The following PTGS1 variants were observed in gnomAD, a reference collection of about 807,000 sequenced individuals.
The protein encoded by PTGS1 is prostaglandin G/H synthase 1.
Under a neutral mutation model 63.0 loss-of-function variants are expected in PTGS1, and 40 were observed. The ratio of observed to expected loss-of-function variants is 0.63; its 90% CI spans 0.49 to 0.83. The LOEUF is 0.83. Ranked by LOEUF, PTGS1 falls within the 40% of genes least tolerant of loss-of-function variation. PTGS1 has a pLI of 0.00. For synonymous variants in PTGS1, 298 were observed against 301.9 expected, an observed-to-expected ratio of 0.99 and a Z score of 0.13; for missense variants, 709 against 786.5, an observed-to-expected ratio of 0.90 and a Z score of 1.18.
chr9:122,377,858 C>T, intron 2 of PTGS1, 41 bp from the exon 3 acceptor site: 2 of 1,572,638 alleles, frequency 1.3e-6, no homozygotes, highest in South Asian at 1.1e-5. Flanking sequence ...GGTCAGGAGG[C>T]CACCCTAGCA....
intron 7 of PTGS1, among the ~76,000 whole-genome samples, chr9:122,382,492 G>A (rs1268817412): frequency 4.6e-5 from 7 of 152,124 alleles, no homozygotes; most frequent in Non-Finnish European, 7.3e-5. Flanking sequence ...TGACATGTCC[G>A]ACTTGTTCCA....
chr9:122,385,731 C>T (rs1413733549), intron 8 of PTGS1, among the ~76,000 whole-genome samples: 1 of 152,060 alleles, frequency 6.6e-6, no homozygotes, highest in Non-Finnish European at 1.5e-5. Context: ...AGGGTGTCAG[C>T]ATGATGACAG....
rs1163125929 is a variant in PTGS1, at chr9:122,371,238, C to T, written c.60C>T (p.Pro20=). The T allele has an allele frequency of 3.7e-6, 6 of 1,607,370 alleles. No individual in the cohort carries two copies. The highest frequency in any genetic ancestry group is 4.5e-5 in the East Asian group (2 of 44,886). ...TCCTGCTCCTGCTCCCGCCGCTCCC[C>T]GTCCTGCTCGCGGACCCAGGGGCGC... The part of the protein sequence containing the change: ...LLFLLLLPPL[P]VLLADPGAPT... The change falls in exon 2 of 11, where the codon CCC becomes CCT. Residue 20 remains proline (P), a synonymous_variant. Transcript: ENST00000362012.
intron 2 of PTGS1, chr9:122,375,250 A>G (rs1588118958): frequency 1.0e-6 from 1 of 975,004 alleles, no homozygotes; most frequent in Non-Finnish European, 1.2e-6. Flanking sequence ...ACTGGGAGGG[A>G]GGAGCCTCAG....
upstream of PTGS1, chr9:122,370,968 G>A (rs1269226683): frequency 3.4e-6 from 5 of 1,487,778 alleles, no homozygotes; most frequent in Non-Finnish European, 3.6e-6. Flanking sequence ...GCTGGAGGGA[G>A]GAGCGGGGGT....
chr9:122,391,395 A>ATG (rs1430870316), intron 10 of PTGS1, among the ~76,000 whole-genome samples: 2,125 of 86,194 alleles, frequency 0.025, 28 homozygotes, highest in Middle Eastern at 0.056. Flanking sequence ...ACATATATAT[A>ATG]TACATATATA....
At chr9:122,376,555 A>G (rs1837177906) in intron 2 of PTGS1, among the ~76,000 whole-genome samples, 1 of 152,104 alleles carries the variant, frequency 6.6e-6, no homozygotes, top group Non-Finnish European at 1.5e-5. Flanking sequence ...CCCTGAGATG[A>G]CAGCATTTCA....
In PTGS1 at chr9:122,392,654, G is replaced by A; in HGVS notation, c.*110G>A. On this transcript the variant is annotated 3_prime_UTR_variant, in exon 11 of 11. Coordinates refer to ENST00000362012, the MANE Select transcript of PTGS1 (RefSeq NM_000962.4). ...CTCATTTTCTGGTTTGGCATGGTGA[G>A]TGTTGGGGTTGACATTTAGAACTTT... The A allele has an allele frequency of 1.1e-6, 1 of 941,498 alleles. No homozygotes were observed. The highest frequency in any genetic ancestry group is 2.8e-5 in the Admixed American group (1 of 35,982). 58.3% of individuals were successfully genotyped at this position (941,498 alleles called of 1,614,324 possible).
intron 2 of PTGS1, chr9:122,375,222 G>A (rs977917450): frequency 2.2e-6 from 2 of 889,986 alleles, no homozygotes; most frequent in Non-Finnish European, 2.7e-6. Flanking sequence ...GCGGGAGGGG[G>A]GAAGCTGGAT....
rs1306397593 is a variant in PTGS1 at position 122,380,646 on chromosome 9, CT to C, written c.497-724del. Among the ~76,000 whole-genome samples the C allele has an allele frequency of 3.3e-5, 5 of 152,242 alleles. No individual in the cohort carries two copies. In the East Asian group the frequency reaches 9.6e-4, roughly 29 times the overall value. On this transcript the variant is annotated intron_variant, in intron 5 of 10. Transcript: ENST00000362012. Reference sequence around the variant, plus strand: ...TGCTTTCCCGCTACAATAGCAAAAACTGAATAGATGTGACATGTCTGTATGG... The same window carrying C: ...TGCTTTCCCGCTACAATAGCAAAAACGAATAGATGTGACATGTCTGTATGG...
At position 122,386,526 on chromosome 9, in the gene PTGS1, C is replaced by T; in HGVS notation, c.1090C>T (p.Leu364=). Reference sequence around the variant, plus strand: ...CCTGCAGCTGAAATTTGACCCAGAGCTGCTGTTCGGTGTCCAGTTCCAATA... The same window carrying T: ...CCTGCAGCTGAAATTTGACCCAGAGTTGCTGTTCGGTGTCCAGTTCCAATA... The part of the protein sequence containing the change: ...YFLQLKFDPE[L]LFGVQFQYRN... The change falls in exon 9 of 11, where the codon CTG becomes TTG. Residue 364 remains leucine, a synonymous_variant. Transcript: ENST00000362012. The T allele has an allele frequency of 6.2e-7, 1 of 1,614,206 alleles. No individual in the cohort carries two copies. The highest frequency in any genetic ancestry group is 8.5e-7 in the Non-Finnish European group (1 of 1,180,044).
chr9:122,384,302 G>C (rs530988856), intron 8 of PTGS1, among the ~76,000 whole-genome samples: 14 of 152,284 alleles, frequency 9.2e-5, no homozygotes, highest in Middle Eastern at 3.4e-3. Flanking sequence ...TTTCCTGCCT[G>C]GGAGCTTGGC....
chr9:122,385,837 A>G (rs985878980), intron 8 of PTGS1, among the ~76,000 whole-genome samples: 1 of 152,036 alleles, frequency 6.6e-6, no homozygotes, highest in African/African-American at 2.4e-5. Flanking sequence ...CAATTCTTGG[A>G]CACCTCCTTT....
At chr9:122,389,062 C>G (rs895563363) in intron 9 of PTGS1, among the ~76,000 whole-genome samples, 1 of 151,888 alleles carries the variant, frequency 6.6e-6, no homozygotes, top group Non-Finnish European at 1.5e-5. Flanking sequence ...TCTTTTTTGC[C>G]CAATTATAGT....
At chr9:122,378,613 C>G (rs199615779) in intron 4 of PTGS1, 40 bp downstream of exon 4, 12 of 1,613,688 alleles carry the variant, frequency 7.4e-6, no homozygotes, top group South Asian at 1.1e-5. Flanking sequence ...GGGGAGCAAG[C>G]AAGCCTGCTA....
intron 8 of PTGS1, 47 bp from the exon 9 acceptor site, chr9:122,386,399 A>G: frequency 6.3e-7 from 1 of 1,592,940 alleles, no homozygotes; most frequent in African/African-American, 1.3e-5. Context: ...CTGGGCATCT[A>G]AATCACTGTG....
At position 122,383,637 on chromosome 9, in the gene PTGS1, C is replaced by T. The variant is rs780588469; in HGVS notation, c.891C>T (p.Leu297=). Residue 297 remains leucine (L), a synonymous_variant, in exon 8 of 11, where the codon CTC becomes CTT. Transcript: ENST00000362012. ...AGGTGTTTGGGCTGCTTCCTGGGCT[C>T]ATGCTGTATGCCACGCTCTGGCTAC... ...GQEVFGLLPG[L]MLYATLWLRE... is the part of the protein sequence containing the mutation. The T allele has an allele frequency of 1.9e-6, 3 of 1,614,038 alleles. No homozygotes were observed. Among genetic ancestry groups the T allele is most frequent in the Non-Finnish European group, 2.5e-6 (3 of 1,180,030 alleles).
At chr9:122,384,749 T>G (rs535024542) in intron 8 of PTGS1, among the ~76,000 whole-genome samples, 1 of 152,250 alleles carries the variant, frequency 6.6e-6, no homozygotes, top group East Asian at 1.9e-4. Flanking sequence ...CAAAGGGGGC[T>G]CTTCTTGAAT....
chr9:122,373,170 G>A (rs937657498), intron 2 of PTGS1, among the ~76,000 whole-genome samples: 1 of 152,240 alleles, frequency 6.6e-6, no homozygotes, highest in Non-Finnish European at 1.5e-5. Context: ...GTAATGTGGA[G>A]CAGGAGGCTG....
Sources: allele counts gnomAD v4.1 joint callset (sites outside exome capture counted in the v4.1 genomes callset), GRCh38; gene constraint gnomAD v4.1.1; transcripts MANE v1.5; gene names NCBI Gene and HGNC (gene_info 2026-07-23, HGNC 2026-07-21).